AK9: variants seen among roughly 807,000 people sequenced by gnomAD.
AK9 encodes adenylate kinase 9.
In AK9, 191 loss-of-function variants were observed where a neutral mutation model predicts 239.6. That is an observed-to-expected ratio of 0.80 (90% confidence interval 0.71 to 0.90). The LOEUF (loss-of-function observed/expected upper bound fraction) is 0.90, where lower values mean the gene tolerates loss of function less well. Ranked by LOEUF, AK9 falls within the 40% of genes least tolerant of loss-of-function variation. AK9 has a pLI of 0.00. For missense variants in AK9, 1,995 were observed against 2,214.7 expected (o/e 0.90, Z 1.99); for synonymous variants, 689 against 721.0 (o/e 0.96, Z 0.71).
chr6:109,664,820 G>A (rs1800953345), intron 5 of AK9, among the ~76,000 whole-genome samples: 1 of 151,906 alleles, frequency 6.6e-6, no homozygotes, highest in South Asian at 2.1e-4. Flanking sequence ...GGATCACAAG[G>A]TCAGGCGTTC....
At position 109,524,597 on chromosome 6, in the gene AK9, T is replaced by C. The variant is rs953183825; in HGVS notation, c.3633+4414A>G. Among the ~76,000 whole-genome samples, 3 of 152,180 alleles carry C rather than the reference T, an allele frequency of 2.0e-5. No homozygotes were observed. In the East Asian group the frequency reaches 5.8e-4, roughly 29 times the overall value. ...ATAATTCAGATGTCCAGCATTCCCA[T>C]CCTTCTGATTTCCATCATACCAGAG... On this transcript the variant is annotated intron_variant, in intron 29 of 40. Transcript: ENST00000424296.
In AK9 at chr6:109,531,410, C is replaced by T. The variant is rs73523129; in HGVS notation, c.3570+1841G>A. Among the ~76,000 whole-genome samples, 1,242 of 151,966 alleles carry T rather than the reference C, an allele frequency of 8.2e-3. 26 individuals carry two copies. Among genetic ancestry groups the T allele is most frequent in the African/African-American group, 0.027 (1,103 of 41,440 alleles). ...ATAAACTAGCTCCAGAAACCTGCTG[C>T]TTTCCTATTCTAGGTCCCTAAAATT... On this transcript the variant is annotated intron_variant, in intron 28 of 40. Coordinates refer to ENST00000424296, the MANE Select transcript of AK9 (RefSeq NM_001145128.3).
intron 17 of AK9, among the ~76,000 whole-genome samples, chr6:109,606,852 GA>G (rs1462674365): frequency 1.3e-5 from 2 of 152,164 alleles, no homozygotes; most frequent in African/African-American, 4.8e-5. Flanking sequence ...CATGGCAAGG[GA>G]GTGACTCTTC....
intron 29 of AK9, among the ~76,000 whole-genome samples, chr6:109,527,155 G>C (rs1330938053): frequency 6.6e-6 from 1 of 152,094 alleles, no homozygotes; most frequent in South Asian, 2.1e-4. Flanking sequence ...CAAGGCCAGG[G>C]GCTGCCTTAC....
intron 27 of AK9, among the ~76,000 whole-genome samples, chr6:109,534,189 C>T (rs775516094): frequency 1.6e-4 from 24 of 147,068 alleles, no homozygotes; most frequent in Non-Finnish European, 3.0e-4. Context: ...CATTGCACTC[C>T]AGCCTGGGAA....
At chr6:109,654,503 T>C (rs575127292) in intron 8 of AK9, among the ~76,000 whole-genome samples, 6 of 152,094 alleles carry the variant, frequency 3.9e-5, no homozygotes, top group Admixed American at 3.9e-4. Flanking sequence ...GGCTGTTTTT[T>C]GGATTTTAGT....
Position 109,509,395 on chromosome 6 carries a change from A to G in AK9, c.4280-15T>C. 2 of 1,539,630 alleles carry G rather than the reference A, an allele frequency of 1.3e-6. No individual in the cohort carries two copies. The highest frequency in any genetic ancestry group is 1.2e-5 in the South Asian group (1 of 83,550). On this transcript the variant is annotated splice_polypyrimidine_tract_variant and intron_variant, in intron 32 of 40. Coordinates refer to ENST00000424296, the MANE Select transcript of AK9 (RefSeq NM_001145128.3). ...TTTTTTGGCAACTGAAAAACATAAA[A>G]CTTTTAAATTAAATTAAATGATTTA...
intron 39 of AK9, 55 bp from the exon 40 acceptor site, chr6:109,494,150 T>TA (rs1231966984): frequency 1.6e-6 from 2 of 1,228,782 alleles, no homozygotes; most frequent in Non-Finnish European, 2.4e-6. Context: ...GTTTCTTTTC[T>TA]TAGTGCCAAT....
intron 19 of AK9, among the ~76,000 whole-genome samples, chr6:109,580,684 G>A (rs754991813): frequency 6.6e-6 from 1 of 152,118 alleles, no homozygotes; most frequent in Non-Finnish European, 1.5e-5. Context: ...TCGGCTTCCT[G>A]TTAATGGAGG....
chr6:109,548,338 G>T (rs1419042991), intron 25 of AK9, among the ~76,000 whole-genome samples: 1 of 152,124 alleles, frequency 6.6e-6, no homozygotes, highest in East Asian at 1.9e-4. Flanking sequence ...TTTGAAAACA[G>T]CCCCTATCAG....
In AK9 at chr6:109,625,794, G is replaced by A. The variant is rs191867849; in HGVS notation, c.1255-6558C>T. Among the ~76,000 whole-genome samples, 54 of 152,168 alleles carry A rather than the reference G, an allele frequency of 3.5e-4. No individual in the cohort carries two copies. In the East Asian group the frequency reaches 8.1e-3, roughly 23 times the overall value. On this transcript the variant is annotated intron_variant, in intron 12 of 40. Transcript: ENST00000424296. ...CATTAAATATGATGTGTGTAGGTGT[G>A]GTTTTCCTTGTATTTATCCTGTTTG...
intron 17 of AK9, among the ~76,000 whole-genome samples, chr6:109,592,388 A>G (rs550868739): frequency 1.3e-5 from 2 of 152,086 alleles, no homozygotes; most frequent in South Asian, 2.1e-4. Flanking sequence ...TAGGACTCCA[A>G]TATCTTCTGG....
intron 8 of AK9, among the ~76,000 whole-genome samples, chr6:109,649,725 A>C (rs1047319386): frequency 1.3e-5 from 2 of 152,172 alleles, no homozygotes; most frequent in African/African-American, 4.8e-5. Context: ...ACAGAATTGG[A>C]AAAAACTACT....
chr6:109,609,060 G>T (rs1793266546), intron 17 of AK9, among the ~76,000 whole-genome samples: 1 of 152,154 alleles, frequency 6.6e-6, no homozygotes, highest in Non-Finnish European at 1.5e-5. Flanking sequence ...ATGAGCTTTG[G>T]TGTTAAAATC....
rs549109505 is a variant in AK9 at position 109,529,226 on chromosome 6, C to T, written c.3571-153G>A. Among the ~76,000 whole-genome samples the T allele has an allele frequency of 6.6e-5, 10 of 152,244 alleles. No individual in the cohort carries two copies. The South Asian group carries it at 2.1e-3, about 32-fold the overall frequency. ...GGATGTGATGGCGGTAATCATGTTGCTTGGCTTGCATCCTTGTACCTCTGA... is the reference window on the plus strand; with the variant it reads ...GGATGTGATGGCGGTAATCATGTTGTTTGGCTTGCATCCTTGTACCTCTGA... On this transcript the variant is annotated intron_variant, in intron 28 of 40. Coordinates refer to ENST00000424296, the MANE Select transcript of AK9 (RefSeq NM_001145128.3).
intron 32 of AK9, 97 bp downstream of exon 32, chr6:109,514,127 C>A: frequency 1.7e-6 from 2 of 1,168,300 alleles, no homozygotes; most frequent in South Asian, 1.6e-5. Flanking sequence ...TCTTTTTCTG[C>A]TGCAACCCAG....
chr6:109,528,913 G>C, intron 29 of AK9, 98 bp downstream of exon 29: 2 of 1,537,724 alleles, frequency 1.3e-6, no homozygotes, highest in Non-Finnish European at 1.8e-6. Flanking sequence ...CTTGAGCCCA[G>C]GAGTTCGAGG....
chr6:109,568,885 C>T (rs1786973199), intron 21 of AK9, among the ~76,000 whole-genome samples: 2 of 152,172 alleles, frequency 1.3e-5, no homozygotes, highest in African/African-American at 4.8e-5. Flanking sequence ...ATGCCATCCC[C>T]ATCAAGCTAC....
intron 20 of AK9, among the ~76,000 whole-genome samples, chr6:109,578,516 A>G (rs1011064357): frequency 1.3e-5 from 2 of 151,488 alleles, no homozygotes; most frequent in African/African-American, 2.4e-5. Context: ...TTTTGTTTCA[A>G]TTTTATTTAG....
Sources: allele counts gnomAD v4.1 joint callset (sites outside exome capture counted in the v4.1 genomes callset), GRCh38; gene constraint gnomAD v4.1.1; transcripts MANE v1.5; gene names NCBI Gene and HGNC (gene_info 2026-07-23, HGNC 2026-07-21).